The following LAMP5 variants were observed in gnomAD, a reference collection of about 807,000 sequenced individuals.
The protein encoded by LAMP5 is lysosome associated membrane protein 5, also known as lysosome-associated membrane glycoprotein 5.
In LAMP5, 36 loss-of-function variants were observed where a neutral mutation model predicts 30.2. That is an observed-to-expected ratio of 1.19 (90% confidence interval 0.91 to 1.57). LAMP5 has a LOEUF of 1.57. Among genes scored for constraint, LAMP5 ranks in the 40% most tolerant of loss-of-function variants. The probability of loss-of-function intolerance (pLI) is 0.00; values close to 1 mark genes in which losing one functional copy is unlikely to be tolerated. For synonymous variants in LAMP5, 149 were observed against 134.6 expected, an observed-to-expected ratio of 1.11 and a Z score of -0.74; for missense variants, 377 against 354.9, an observed-to-expected ratio of 1.06 and a Z score of -0.50.
intron 5 of LAMP5, among the ~76,000 whole-genome samples, chr20:9,527,132 A>T (rs2045119972): frequency 6.6e-6 from 1 of 151,958 alleles, no homozygotes; most frequent in Non-Finnish European, 1.5e-5. Flanking sequence ...CAGGAAACCG[A>T]ACTGACAAAT....
intron 5 of LAMP5, among the ~76,000 whole-genome samples, chr20:9,524,349 A>C: frequency 6.6e-6 from 1 of 152,184 alleles, no homozygotes; most frequent in East Asian, 1.9e-4. Flanking sequence ...GCATTGTTTT[A>C]AATGAAACAG....
Position 9,515,951 on chromosome 20 carries a change from GC to G in LAMP5, c.238-45del. 2.8e-6 allele frequency: 4 copies of G among 1,450,336 alleles called. No individual in the cohort carries two copies. In the South Asian group the frequency reaches 6.2e-5, roughly 23 times the overall value. 89.8% of individuals were successfully genotyped at this position (1,450,336 alleles called of 1,614,324 possible). Reference sequence around the variant, plus strand: ...GGACGCGCCGCCCTTTACAGCCCCCGCCCCGGGGCCGGGCGAGCTGAGGGGG... The same window carrying G: ...GGACGCGCCGCCCTTTACAGCCCCCGCCCGGGGCCGGGCGAGCTGAGGGGG... On this transcript the variant is annotated intron_variant, in intron 2 of 5. Coordinates refer to ENST00000246070, the MANE Select transcript of LAMP5 (RefSeq NM_012261.4).
chr20:9,515,935 G>A, intron 2 of LAMP5, 65 bp from the exon 3 acceptor site: 1 of 1,426,436 alleles, frequency 7.0e-7, no homozygotes, highest in Non-Finnish European at 9.2e-7. Context: ...TGGACGCGCC[G>A]CCCTTTACAG....
At chr20:9,526,860 G>GTGTATATATATA (rs1426298098) in intron 5 of LAMP5, among the ~76,000 whole-genome samples, 3 of 80,232 alleles carry the variant, frequency 3.7e-5, no homozygotes, top group Non-Finnish European at 7.6e-5. Flanking sequence ...GTGTGTGTGT[G>GTGTATATATATA]TATATATATA....
chr20:9,517,925 A>G, intron 4 of LAMP5, 115 bp from the exon 5 acceptor site: 1 of 836,870 alleles, frequency 1.2e-6, no homozygotes, highest in Non-Finnish European at 1.9e-6. Context: ...TGGCAAGGGA[A>G]CAGAGAGGAC....
At chr20:9,526,907 C>CAT in intron 5 of LAMP5, among the ~76,000 whole-genome samples, 1 of 124,140 alleles carries the variant, frequency 8.1e-6, no homozygotes, top group South Asian at 2.6e-4. Flanking sequence ...TATATACACA[C>CAT]ACATACAAAA....
At chr20:9,525,297 A>C (rs2045105286) in intron 5 of LAMP5, among the ~76,000 whole-genome samples, 1 of 152,234 alleles carries the variant, frequency 6.6e-6, no homozygotes, top group African/African-American at 2.4e-5. Context: ...CAGAAGACTT[A>C]AATGTATAAG....
In LAMP5 at chr20:9,514,632, C is replaced by G; in HGVS notation, c.-221C>G. 1.9e-6 allele frequency: 1 copy of G among 532,038 alleles called. No individual in the cohort carries two copies. The allele number at this position is 532,038 out of a possible 1,614,324, so 33.0% of individuals were successfully genotyped here. On this transcript the variant is annotated 5_prime_UTR_variant, in exon 1 of 6. Coordinates refer to ENST00000246070, the MANE Select transcript of LAMP5 (RefSeq NM_012261.4). ...CGCAGCCGTGGACCGCCGTGCGGTC[C>G]TTTCCTCCGCAGTGAGCCGATTTGC...
chr20:9,526,891 T>C (rs1444634462), intron 5 of LAMP5, among the ~76,000 whole-genome samples: 2 of 122,560 alleles, frequency 1.6e-5, no homozygotes, highest in South Asian at 2.8e-4. Flanking sequence ...TATATATATA[T>C]ATATATATAT....
chr20:9,515,012 T>C (rs1289898868), intron 1 of LAMP5, 96 bp downstream of exon 1: 3 of 1,123,910 alleles, frequency 2.7e-6, no homozygotes, highest in Non-Finnish European at 4.0e-6. Context: ...ATAAAAAATA[T>C]GGCCCTTAAT....
chr20:9,514,616 G>A lies in LAMP5; in HGVS notation c.-237G>A. The A allele has an allele frequency of 1.8e-6, 1 of 548,708 alleles. No homozygotes were observed. The highest frequency in any genetic ancestry group is 3.2e-6 in the Non-Finnish European group (1 of 308,382). The allele number at this position is 548,708 out of a possible 1,614,324, so 34.0% of individuals were successfully genotyped here. On this transcript the variant is annotated 5_prime_UTR_variant, in exon 1 of 6. Coordinates refer to ENST00000246070, the MANE Select transcript of LAMP5 (RefSeq NM_012261.4). Reference sequence around the variant, plus strand: ...GATTGCTTTCAGCACTCGCAGCCGTGGACCGCCGTGCGGTCCTTTCCTCCG... The same window carrying A: ...GATTGCTTTCAGCACTCGCAGCCGTAGACCGCCGTGCGGTCCTTTCCTCCG...
Position 9,516,013 on chromosome 20 carries a change from A to G in LAMP5, c.251A>G (p.Gln84Arg). The G allele has an allele frequency of 6.6e-7, 1 of 1,521,022 alleles. No individual in the cohort carries two copies. Among genetic ancestry groups the G allele is most frequent in the Non-Finnish European group, 8.8e-7 (1 of 1,139,242 alleles). The allele number at this position is 1,521,022 out of a possible 1,614,324, so 94.2% of individuals were successfully genotyped here. Residue 84 changes from glutamine (Q) to arginine (R), a missense_variant, in exon 3 of 6, where the codon CAG becomes CGG. Physicochemically the swap from Gln to Arg is conservative, Grantham distance 43 (BLOSUM62 1). Transcript: ENST00000246070. ...ASNYVDLITE[Q>R]ADIALTRGAE... ...CTGTGTTCCCAGCTGATCACAGAAC[A>G]GGCCGATATCGCATTGACCCGGGGA... is the stretch of plus-strand genomic sequence containing the variant.
At chr20:9,517,469 ACT>A (rs2045049190) in intron 4 of LAMP5, among the ~76,000 whole-genome samples, 1 of 151,460 alleles carries the variant, frequency 6.6e-6, no homozygotes, top group African/African-American at 2.4e-5. Context: ...GTGCGGTCTC[ACT>A]CTGTCCACCA....
At chr20:9,515,050 T>C (rs2045025538) in intron 1 of LAMP5, 134 bp downstream of exon 1, 2 of 837,714 alleles carry the variant, frequency 2.4e-6, no homozygotes, top group Middle Eastern at 2.3e-4. Context: ...CTTTTTTTCT[T>C]TTAGGGGAGG....
chr20:9,515,088 G>A (rs2045025885), intron 1 of LAMP5, 172 bp downstream of exon 1: 2 of 665,226 alleles, frequency 3.0e-6, no homozygotes, highest in Non-Finnish European at 5.2e-6. Flanking sequence ...CCGGTGGCAG[G>A]GAATTCCCCT....
chr20:9,515,355 G>T (rs953603474), intron 1 of LAMP5, 98 bp from the exon 2 acceptor site: 256 of 1,162,486 alleles, frequency 2.2e-4, no homozygotes, highest in Middle Eastern at 5.3e-4. Flanking sequence ...AGAGAACTTT[G>T]TCACTCCAAA....
At chr20:9,516,636 C>T (rs2045042601) in intron 4 of LAMP5, among the ~76,000 whole-genome samples, 1 of 152,136 alleles carries the variant, frequency 6.6e-6, no homozygotes, top group African/African-American at 2.4e-5. Context: ...CCTGTCGTTC[C>T]CTGGTGCTTC....
In LAMP5 at chr20:9,515,629, A is replaced by T. The variant is rs763895770; in HGVS notation, c.237+4A>T. On this transcript the variant is annotated splice_donor_region_variant and intron_variant, in intron 2 of 5. Coordinates refer to ENST00000246070, the MANE Select transcript of LAMP5 (RefSeq NM_012261.4). The stretch of plus-strand genomic sequence containing the variant: ...GTGGGCCAGCAACTACGTAGATGTA[A>T]GGAATCTTTCCCCCCCCTCAGCTTG... 1 of 1,607,450 alleles carries T rather than the reference A, an allele frequency of 6.2e-7. No homozygotes were observed. Among genetic ancestry groups the T allele is most frequent in the South Asian group, 1.1e-5 (1 of 90,956 alleles).
chr20:9,526,899 T>C (rs866662317), intron 5 of LAMP5, among the ~76,000 whole-genome samples: 4,664 of 122,136 alleles, frequency 0.038, 330 homozygotes, highest in African/African-American at 0.14. Context: ...TATATATATA[T>C]ATACACACAC....
Sources: gnomAD v4.1 joint callset for allele counts (sites outside exome capture counted in the v4.1 genomes callset) on GRCh38, gnomAD v4.1.1 for gene constraint, MANE v1.5 for transcripts, NCBI Gene and HGNC (gene_info 2026-07-23, HGNC 2026-07-21) for gene names.